CCND3: variants seen among roughly 807,000 people sequenced by gnomAD.
CCND3 encodes G1/S-specific cyclin-D3.
A neutral mutation model predicts 28.7 loss-of-function variants in CCND3; 9 were observed. The ratio of observed to expected loss-of-function variants is 0.31; its 90% CI spans 0.19 to 0.55. The LOEUF (loss-of-function observed/expected upper bound fraction) is 0.55, where lower values mean the gene tolerates loss of function less well. Among genes scored for constraint, CCND3 ranks in the 20% least tolerant of loss-of-function variants. CCND3 has a pLI of 0.93. For missense variants in CCND3, 315 were observed against 385.8 expected, an observed-to-expected ratio of 0.82 and a Z score of 1.54; for synonymous variants, 164 against 163.9, an observed-to-expected ratio of 1.00 and a Z score of 0.00.
chr6:42,011,238 C>T (rs1763338527), intron 1 of CCND3, among the ~76,000 whole-genome samples: 1 of 152,146 alleles, frequency 6.6e-6, no homozygotes, highest in Admixed American at 6.5e-5. Flanking sequence ...CTGCCTCAGC[C>T]TGCCAAGTAG....
intron 1 of CCND3, among the ~76,000 whole-genome samples, chr6:41,965,347 C>G (rs9367117): frequency 0.19 from 28,445 of 151,990 alleles, 3,193 homozygotes; most frequent in Non-Finnish European, 0.25. Flanking sequence ...GGATTACAAG[C>G]GTGAGCCACC....
upstream of CCND3, among the ~76,000 whole-genome samples, chr6:41,946,400 C>T (rs1425029498): frequency 6.6e-6 from 1 of 150,774 alleles, no homozygotes; most frequent in African/African-American, 2.4e-5. Context: ...AGTTTGAGAC[C>T]GCCTGGCCAA....
intron 1 of CCND3, among the ~76,000 whole-genome samples, chr6:41,948,833 G>A (rs1381270591): frequency 2.1e-5 from 3 of 146,150 alleles, no homozygotes; most frequent in Non-Finnish European, 4.5e-5. Flanking sequence ...ACTACAGAAC[G>A]AGACTCCATC....
intron 1 of CCND3, among the ~76,000 whole-genome samples, chr6:42,040,126 G>GA (rs1480604950): frequency 6.6e-6 from 1 of 152,200 alleles, no homozygotes; most frequent in Non-Finnish European, 1.5e-5. Context: ...CAGTGTGCAT[G>GA]AAAAGTCTGA....
At chr6:41,948,536 CTG>C (rs1212033888) in intron 1 of CCND3, among the ~76,000 whole-genome samples, 1 of 151,952 alleles carries the variant, frequency 6.6e-6, no homozygotes, top group African/African-American at 2.4e-5. Flanking sequence ...ATAAAACAAA[CTG>C]GATATAAGAA....
intron 1 of CCND3, among the ~76,000 whole-genome samples, chr6:41,971,457 C>A (rs949245044): frequency 6.6e-6 from 1 of 151,986 alleles, no homozygotes; most frequent in African/African-American, 2.4e-5. Flanking sequence ...TATTTATAAT[C>A]CCCATTTTGT....
At chr6:41,980,577 T>A (rs1162916541) in intron 1 of CCND3, among the ~76,000 whole-genome samples, 1 of 152,150 alleles carries the variant, frequency 6.6e-6, no homozygotes, top group Non-Finnish European at 1.5e-5. Flanking sequence ...GACACAAATG[T>A]TAGAAGAAAA....
chr6:41,945,207 T>C (rs550291053), upstream of CCND3, among the ~76,000 whole-genome samples: 26 of 152,256 alleles, frequency 1.7e-4, no homozygotes, highest in African/African-American at 5.5e-4. Context: ...TCTCTTCCTC[T>C]TCATCATCAA....
At chr6:41,979,318 G>A (rs1762268803) in intron 1 of CCND3, among the ~76,000 whole-genome samples, 2 of 151,884 alleles carry the variant, frequency 1.3e-5, no homozygotes, top group South Asian at 2.1e-4. Context: ...TGGATCACGA[G>A]GTCAGGAGAT....
Position 41,941,513 on chromosome 6 carries a change from T to C in CCND3, c.137A>G (p.Gln46Arg). 1 of 1,607,510 alleles carries C rather than the reference T, an allele frequency of 6.2e-7. No individual in the cohort carries two copies. Among genetic ancestry groups the C allele is most frequent in the Non-Finnish European group, 8.5e-7 (1 of 1,178,496 alleles). Residue 46 changes from glutamine to arginine, a missense_variant, in exon 1 of 5, where the codon CAG becomes CGG. Transcript: ENST00000372991. The surrounding 1 kb of genome is among the most constrained non-coding windows in gnomAD (Gnocchi z 6.1). ...CGGCTTGATCTCCCGCTGCACGCACTGGAAGTAGGAGGCGCGGGGTACGTA... is the reference window on the plus strand; with the variant it reads ...CGGCTTGATCTCCCGCTGCACGCACCGGAAGTAGGAGGCGCGGGGTACGTA... ...ERYVPRASYF[Q>R]CVQREIKPHM...
intron 1 of CCND3, among the ~76,000 whole-genome samples, chr6:42,015,900 T>C (rs975135563): frequency 1.2e-4 from 18 of 151,980 alleles, no homozygotes; most frequent in African/African-American, 3.9e-4. Flanking sequence ...CTTAGCAGTT[T>C]TCACGTATAC....
At chr6:41,943,414 A>C (rs1186002563), upstream of CCND3, among the ~76,000 whole-genome samples, 2 of 152,184 alleles carry the variant, frequency 1.3e-5, no homozygotes, top group African/African-American at 4.8e-5. Context: ...AAATACTGTT[A>C]ACACTTTTCC....
intron 1 of CCND3, among the ~76,000 whole-genome samples, chr6:42,044,956 C>CTTTTTTTTTTTTTTTTT (rs1562002036): frequency 8.1e-6 from 1 of 123,952 alleles, no homozygotes; most frequent in Admixed American, 8.7e-5. Context: ...GCCCGGCTAA[C>CTTTTTTTTTTTTTTTTT]GTTTTTTTTT....
At chr6:42,045,986 G>A (rs1459762833) in intron 1 of CCND3, among the ~76,000 whole-genome samples, 1 of 152,190 alleles carries the variant, frequency 6.6e-6, no homozygotes, top group Non-Finnish European at 1.5e-5. Flanking sequence ...AGAGCAGCTT[G>A]GAGGTTTATA....
Position 42,048,790 on chromosome 6 carries a change from T to C in CCND3, c.-335A>G. On this transcript the variant is annotated 5_prime_UTR_variant, in exon 1 of 5. Transcript: ENST00000372988. This position sits in a 1 kb window ranked among gnomAD's most constrained non-coding sequence, Gnocchi z 4.7. ...GGTGCTCTGCTCAGCCAAGTTTCGG[T>C]CCCCGGCCTGACTCTCCCACCCCCT... 4.6e-6 allele frequency: 2 copies of C among 434,966 alleles called. No individual in the cohort carries two copies. The highest frequency in any genetic ancestry group is 3.2e-5 in the South Asian group (2 of 62,528). 26.9% of individuals were successfully genotyped at this position (434,966 alleles called of 1,614,324 possible).
At position 41,935,679 on chromosome 6, in the gene CCND3, C is replaced by T. The variant is rs896145821; in HGVS notation, c.*261G>A. The T allele has an allele frequency of 1.4e-4, 77 of 544,796 alleles. No homozygotes were observed. The highest frequency in any genetic ancestry group is 2.4e-4 in the Non-Finnish European group (74 of 302,740). 33.7% of individuals were successfully genotyped at this position (544,796 alleles called of 1,614,324 possible). A position where few individuals can be genotyped will look rare whatever the true frequency, so the allele number is the denominator to read the frequency against. On this transcript the variant is annotated 3_prime_UTR_variant, in exon 5 of 5. Transcript: ENST00000372991. ...TCCAATTCTGTCCCATCAGCCTGGCCCACCCCCAGCTAGAGTTGGGAAAGG... is the reference window on the plus strand; with the variant it reads ...TCCAATTCTGTCCCATCAGCCTGGCTCACCCCCAGCTAGAGTTGGGAAAGG...
At chr6:41,976,720 G>A (rs1454084797) in intron 1 of CCND3, among the ~76,000 whole-genome samples, 1 of 152,142 alleles carries the variant, frequency 6.6e-6, no homozygotes, top group Non-Finnish European at 1.5e-5. Flanking sequence ...TGAAGAAATT[G>A]AGGCTTTGAT....
chr6:41,965,831 C>A (rs977259073), intron 1 of CCND3, among the ~76,000 whole-genome samples: 1 of 152,170 alleles, frequency 6.6e-6, no homozygotes, highest in African/African-American at 2.4e-5. Flanking sequence ...TTCACTAGCT[C>A]GGAGCCTTTG....
chr6:41,942,125 G>C (rs1776055844), upstream of CCND3, among the ~76,000 whole-genome samples: 1 of 152,144 alleles, frequency 6.6e-6, no homozygotes, highest in Admixed American at 6.5e-5. Context: ...TTATTCATTC[G>C]TCAAACCCTA....
Sources: allele counts gnomAD v4.1 joint callset (sites outside exome capture counted in the v4.1 genomes callset), GRCh38; gene constraint gnomAD v4.1.1; non-coding constraint Gnocchi (gnomAD v3.1); transcripts MANE v1.5; gene names NCBI Gene and HGNC (gene_info 2026-07-23, HGNC 2026-07-21).